The following FGFR2 variants were observed in gnomAD, a reference collection of about 807,000 sequenced individuals.
The protein encoded by FGFR2 is fibroblast growth factor receptor 2.
A neutral mutation model predicts 95.9 loss-of-function variants in FGFR2; 19 were observed. The ratio of observed to expected loss-of-function variants is 0.20; its 90% confidence interval spans 0.14 to 0.29. The LOEUF (loss-of-function observed/expected upper bound fraction) is 0.29, where lower values mean the gene tolerates loss of function less well. Among genes scored for constraint, FGFR2 ranks in the 10% least tolerant of loss-of-function variants. FGFR2 has a pLI of 1.00. For missense variants in FGFR2, 707 were observed against 1,056.9 expected (o/e 0.67, Z 4.59); for synonymous variants, 392 against 393.3 (o/e 1.00, Z 0.04).
At chr10:121,554,836 C>T (rs1855902331) in intron 4 of FGFR2, among the ~76,000 whole-genome samples, 1 of 152,100 alleles carries the variant, frequency 6.6e-6, no homozygotes. Flanking sequence ...TTGGAAAGGA[C>T]ACACATGGAA....
chr10:121,487,533 T>C, intron 14 of FGFR2, 109 bp from the exon 15 acceptor site: 1 of 836,322 alleles, frequency 1.2e-6, no homozygotes, highest in South Asian at 1.5e-5. Context: ...CGGTTTTTAC[T>C]AGTCAGTCAA....
chr10:121,595,668 CA>C (rs149811223), intron 1 of FGFR2, among the ~76,000 whole-genome samples: 1,658 of 152,358 alleles, frequency 0.011, 20 homozygotes, highest in Middle Eastern at 0.02. Flanking sequence ...TAAGCATTTG[CA>C]GAATGCAGGG....
intron 2 of FGFR2, among the ~76,000 whole-genome samples, chr10:121,568,479 G>A (rs190114325): frequency 1.3e-3 from 191 of 152,216 alleles, no homozygotes; most frequent in African/African-American, 4.3e-3. Flanking sequence ...CAGGGCAGCC[G>A]CTGAGCAGAA....
chr10:121,504,038 G>A, intron 9 of FGFR2, 97 bp from the exon 10 acceptor site: 1 of 1,448,686 alleles, frequency 6.9e-7, no homozygotes, highest in Non-Finnish European at 9.5e-7. Flanking sequence ...ATCTTAGAAA[G>A]GAATGGGTTG....
chr10:121,527,010 T>G (rs935261272), intron 6 of FGFR2: 1 of 361,888 alleles, frequency 2.8e-6, no homozygotes, highest in African/African-American at 2.1e-5. Flanking sequence ...AGCACTAAAG[T>G]CACAAAGTGA....
intron 6 of FGFR2, among the ~76,000 whole-genome samples, chr10:121,521,521 G>A (rs1327945520): frequency 6.7e-6 from 1 of 148,578 alleles, no homozygotes; most frequent in Non-Finnish European, 1.5e-5. Context: ...AGACACAAAT[G>A]GCCACTAGGT....
At chr10:121,559,368 C>T (rs1808815965) in intron 4 of FGFR2, among the ~76,000 whole-genome samples, 1 of 152,120 alleles carries the variant, frequency 6.6e-6, no homozygotes, top group African/African-American at 2.4e-5. Context: ...CTTGAGGTGG[C>T]AAAAAATTGT....
At chr10:121,483,617 A>G in intron 17 of FGFR2, 81 bp downstream of exon 17, 1 of 996,812 alleles carries the variant, frequency 1.0e-6, no homozygotes, top group Non-Finnish European at 1.6e-6. Flanking sequence ...CCAACAGCCA[A>G]CAGGGGAGTG....
intron 17 of FGFR2, among the ~76,000 whole-genome samples, chr10:121,483,468 C>T (rs1203989166): frequency 1.3e-5 from 2 of 152,192 alleles, no homozygotes; most frequent in African/African-American, 2.4e-5. Context: ...AAGGCAGCCT[C>T]GGGGATGTCC....
At chr10:121,508,957 C>T (rs530271742) in intron 9 of FGFR2, among the ~76,000 whole-genome samples, 86 of 152,344 alleles carry the variant, frequency 5.6e-4, no homozygotes, top group African/African-American at 2.0e-3. Context: ...GGGCTTGGCC[C>T]GGTCCTGGGC....
At position 121,479,011 on chromosome 10, in the gene FGFR2, TAGG is replaced by T. The variant is rs1054705699; in HGVS notation, c.*843_*845del. On this transcript the variant is annotated 3_prime_UTR_variant, in exon 18 of 18. Coordinates refer to ENST00000358487, the MANE Select transcript of FGFR2 (RefSeq NM_000141.5). ...ATGAGTTCTTTTAATATGGGGCATTTAGGAGGTCTAAGAACAATCGTCTGACAG... is the reference window on the plus strand; with the variant it reads ...ATGAGTTCTTTTAATATGGGGCATTTAGGTCTAAGAACAATCGTCTGACAG... 4.3e-6 allele frequency: 1 copy of T among 233,320 alleles called. No individual in the cohort carries two copies. Among genetic ancestry groups the T allele is most frequent in the Non-Finnish European group, 8.5e-6 (1 of 117,896 alleles). 14.5% of individuals were successfully genotyped at this position (233,320 alleles called of 1,614,324 possible). A position where few individuals can be genotyped will look rare whatever the true frequency, so the allele number is the denominator to read the frequency against.
chr10:121,564,423 C>T (rs1207703282), intron 4 of FGFR2, 79 bp downstream of exon 4: 17 of 1,327,420 alleles, frequency 1.3e-5, no homozygotes, highest in Admixed American at 1.0e-4. Flanking sequence ...GCAGAAGAGT[C>T]GACAAGAAGA....
At chr10:121,533,586 A>C (rs1352264625) in intron 6 of FGFR2, among the ~76,000 whole-genome samples, 1 of 152,210 alleles carries the variant, frequency 6.6e-6, no homozygotes, top group Admixed American at 6.5e-5. Flanking sequence ...AATCGTCTAC[A>C]TGAGTGAGGA....
At chr10:121,585,277 G>T (rs1417703874) in intron 2 of FGFR2, among the ~76,000 whole-genome samples, 2 of 152,172 alleles carry the variant, frequency 1.3e-5, no homozygotes, top group African/African-American at 4.8e-5. Context: ...CAAATCCAGG[G>T]CCTAGAGCCA....
intron 4 of FGFR2, 73 bp downstream of exon 4, chr10:121,564,429 G>T: frequency 7.3e-7 from 1 of 1,375,096 alleles, no homozygotes; most frequent in South Asian, 1.2e-5. Context: ...GAGTCGACAA[G>T]AAGACAGGTG....
chr10:121,545,904 G>A (rs1348913639), intron 5 of FGFR2, among the ~76,000 whole-genome samples: 1 of 152,146 alleles, frequency 6.6e-6, no homozygotes, highest in East Asian at 1.9e-4. Flanking sequence ...AGGGGAACCT[G>A]AACCCCTGTA....
chr10:121,556,339 C>T (rs1005451749), intron 4 of FGFR2, among the ~76,000 whole-genome samples: 1 of 151,718 alleles, frequency 6.6e-6, no homozygotes, highest in African/African-American at 2.4e-5. Flanking sequence ...GGCTGCTGGG[C>T]CTGCCCCCAC....
chr10:121,575,772 C>T (rs1224069579), intron 2 of FGFR2, among the ~76,000 whole-genome samples: 3 of 151,840 alleles, frequency 2.0e-5, no homozygotes, highest in African/African-American at 7.3e-5. Flanking sequence ...AGGAGAATCG[C>T]TTAAACCAGG....
intron 8 of FGFR2, among the ~76,000 whole-genome samples, chr10:121,516,214 G>A (rs571821780): frequency 2.0e-5 from 3 of 152,292 alleles, no homozygotes; most frequent in Non-Finnish European, 4.4e-5. Context: ...TGCTAGCACT[G>A]TCAGGCAAAC....
Sources: gnomAD v4.1 joint callset for allele counts (sites outside exome capture counted in the v4.1 genomes callset) on GRCh38, gnomAD v4.1.1 for gene constraint, MANE v1.5 for transcripts, NCBI Gene and HGNC (gene_info 2026-07-23, HGNC 2026-07-21) for gene names.